The following AKAP13 variants were observed in gnomAD, a reference collection of about 807,000 sequenced individuals.
The protein encoded by AKAP13 is A-kinase anchoring protein 13, also known as A-kinase anchor protein 13.
In AKAP13, 80 loss-of-function variants were observed where a neutral mutation model predicts 264.5. The ratio of observed to expected loss-of-function variants is 0.30; its 90% CI spans 0.25 to 0.36. AKAP13 has a LOEUF of 0.36. Among genes scored for constraint, AKAP13 ranks in the 10% least tolerant of loss-of-function variants. The probability of loss-of-function intolerance (pLI) is 1.00; values close to 1 mark genes in which losing one functional copy is unlikely to be tolerated. For missense variants in AKAP13, 3,712 were observed against 3,435.2 expected (o/e 1.08, Z -2.01); for synonymous variants, 1,380 against 1,250.2 (o/e 1.10, Z -2.19).
At chr15:85,738,119 C>A (rs192764264) in intron 33 of AKAP13, among the ~76,000 whole-genome samples, 2 of 151,934 alleles carry the variant, frequency 1.3e-5, no homozygotes, top group Admixed American at 6.5e-5. Context: ...TAAGAGGGGC[C>A]GGGCTCGGTG....
chr15:85,609,763 G>A (rs1422591640), intron 8 of AKAP13, among the ~76,000 whole-genome samples: 2 of 152,182 alleles, frequency 1.3e-5, no homozygotes, highest in Non-Finnish European at 2.9e-5. Flanking sequence ...CTATTCCTCT[G>A]TCATACCTGG....
At position 85,531,023 on chromosome 15, in the gene AKAP13, C is replaced by T. The variant is rs116766255; in HGVS notation, c.182-2561C>T. On this transcript the variant is annotated intron_variant, in intron 3 of 36. Coordinates refer to ENST00000394518, the MANE Select transcript of AKAP13 (RefSeq NM_007200.5). ...CCTAGTAGCTGGGACTACAGATGCC[C>T]GGCTAATTTTTATTTTTAGTACAGA... is the stretch of plus-strand genomic sequence containing the variant. Among the ~76,000 whole-genome samples, 948 of 152,166 alleles carry T rather than the reference C, an allele frequency of 6.2e-3. 16 individuals carry two copies. Among genetic ancestry groups the T allele is most frequent in the African/African-American group, 0.021 (891 of 41,490 alleles).
chr15:85,686,201 G>GTGTA (rs2084916379), intron 16 of AKAP13, among the ~76,000 whole-genome samples: 1 of 151,858 alleles, frequency 6.6e-6, no homozygotes, highest in South Asian at 2.1e-4. Context: ...ATGTGTGTGT[G>GTGTA]TGTGTGGTAT....
chr15:85,718,030 G>A lies in AKAP13; in HGVS notation c.5872G>A (p.Gly1958Arg). Residue 1958 changes from glycine (G) to arginine (R), a missense_variant, in exon 22 of 37, where the codon GGA becomes AGA. Around this residue, in one of 3 missense-constraint regions of AKAP13, gnomAD observed 2,759 missense variants for 2,411.7 expected, o/e 1.14. Transcript: ENST00000394518. This position sits in a 1 kb window ranked among gnomAD's most constrained non-coding sequence, Gnocchi z 4.9. ...DEGVGTDMNE[G>R]QLLGDFEIES... The stretch of plus-strand genomic sequence containing the variant: ...AGGAGTAGGTACAGACATGAATGAA[G>A]GACAACTACTGGGAGACTTTGAGAT... 1 of 1,614,056 alleles carries A rather than the reference G, an allele frequency of 6.2e-7. No individual in the cohort carries two copies. The highest frequency in any genetic ancestry group is 8.5e-7 in the Non-Finnish European group (1 of 1,179,978).
intron 4 of AKAP13, among the ~76,000 whole-genome samples, chr15:85,539,388 G>C (rs543617029): frequency 4.1e-4 from 59 of 143,558 alleles, no homozygotes; most frequent in African/African-American, 1.6e-3. Context: ...ATGCAGCTGA[G>C]AATTCCTGCA....
chr15:85,569,454 T>TC (rs2078726618), intron 5 of AKAP13, among the ~76,000 whole-genome samples: 2 of 134,252 alleles, frequency 1.5e-5, no homozygotes, highest in African/African-American at 2.5e-5. Flanking sequence ...TTCTTTTCTT[T>TC]TTTTTTTTTT....
rs2088344877 is a variant in AKAP13, at chr15:85,735,140, T to C, written c.7431T>C (p.Asn2477=). The change falls in exon 31 of 37, where the codon AAT becomes AAC. Residue 2477 remains asparagine (N), a synonymous_variant. Coordinates refer to ENST00000394518, the MANE Select transcript of AKAP13 (RefSeq NM_007200.5). ...TFGGFDSHQM[N]ASKGGEKEEG... ...GAGGATTTGACAGCCATCAGATGAATGCTTCAAAAGGTAAATGATGTGAAG... is the reference window on the plus strand; with the variant it reads ...GAGGATTTGACAGCCATCAGATGAACGCTTCAAAAGGTAAATGATGTGAAG... 2 of 1,613,836 alleles carry C rather than the reference T, an allele frequency of 1.2e-6. No homozygotes were observed. Among genetic ancestry groups the C allele is most frequent in the Non-Finnish European group, 1.7e-6 (2 of 1,179,900 alleles).
At chr15:85,396,365 G>A (rs755728296) in intron 1 of AKAP13, among the ~76,000 whole-genome samples, 1 of 152,128 alleles carries the variant, frequency 6.6e-6, no homozygotes. Flanking sequence ...AATGTGGTGC[G>A]TGATGGCTGG....
intron 8 of AKAP13, among the ~76,000 whole-genome samples, chr15:85,587,581 C>CA (rs913327408): frequency 2.0e-5 from 3 of 152,002 alleles, no homozygotes; most frequent in African/African-American, 7.2e-5. Context: ...TATTTGGCTT[C>CA]AAAAATATTT....
At chr15:85,562,264 T>C (rs2078407745) in intron 5 of AKAP13, among the ~76,000 whole-genome samples, 1 of 152,114 alleles carries the variant, frequency 6.6e-6, no homozygotes, top group African/African-American at 2.4e-5. Flanking sequence ...GTAGTATGCA[T>C]ATTAAGAATA....
chr15:85,418,009 T>G (rs759624714), intron 1 of AKAP13, among the ~76,000 whole-genome samples: 1 of 150,976 alleles, frequency 6.6e-6, no homozygotes, highest in Non-Finnish European at 1.5e-5. Flanking sequence ...AATTGAGATA[T>G]TTTACATTTT....
intron 3 of AKAP13, among the ~76,000 whole-genome samples, chr15:85,526,734 C>T (rs1183307914): frequency 3.3e-5 from 5 of 152,174 alleles, no homozygotes; most frequent in Admixed American, 6.5e-5. Flanking sequence ...CCCCTGGCAA[C>T]GCCTGTCAAG....
At position 85,741,160 on chromosome 15, in the gene AKAP13, C is replaced by T. The variant is rs1422391787; in HGVS notation, c.7723C>T (p.Arg2575Cys). The change falls in exon 35 of 37, where the codon CGC becomes TGC. Residue 2575 changes from arginine (R) to cysteine (C), a missense_variant. By Grantham distance (180) the Arg-to-Cys change is radical. This residue lies in a region of AKAP13 where 611 missense variants were observed against 539.3 expected (regional missense o/e 1.13). Transcript: ENST00000394518. ...CTCCCTCATTGAGCAGGAGAAGCAG[C>T]GCAGCCTGGAGAAGCAGCGCCAGGA... ...PSSLIEQEKQ[R>C]SLEKQRQDLA... The T allele has an allele frequency of 2.5e-6, 4 of 1,613,038 alleles. No homozygotes were observed. The highest frequency in any genetic ancestry group is 3.4e-6 in the Non-Finnish European group (4 of 1,179,526).
intron 26 of AKAP13, among the ~76,000 whole-genome samples, chr15:85,725,930 T>TAA (rs1239595650): frequency 6.6e-6 from 1 of 152,220 alleles, no homozygotes; most frequent in Non-Finnish European, 1.5e-5. Flanking sequence ...TCATTAGACT[T>TAA]AGATATTTCT....
At chr15:85,686,453 C>G (rs1366317158) in intron 16 of AKAP13, among the ~76,000 whole-genome samples, 1 of 152,088 alleles carries the variant, frequency 6.6e-6, no homozygotes, top group Non-Finnish European at 1.5e-5. Context: ...AATTTTTCCA[C>G]CAAACGTGCC....
At chr15:85,590,780 C>T (rs2079549336) in intron 8 of AKAP13, among the ~76,000 whole-genome samples, 1 of 152,140 alleles carries the variant, frequency 6.6e-6, no homozygotes, top group Non-Finnish European at 1.5e-5. Flanking sequence ...CACCTGTATG[C>T]TTTACTGGTT....
At chr15:85,427,392 C>G (rs1267640092) in intron 1 of AKAP13, among the ~76,000 whole-genome samples, 1 of 151,984 alleles carries the variant, frequency 6.6e-6, no homozygotes, top group Non-Finnish European at 1.5e-5. Flanking sequence ...CCTTCCTTCT[C>G]CTAGTACATG....
intron 17 of AKAP13, among the ~76,000 whole-genome samples, chr15:85,706,450 A>T (rs1373577459): frequency 1.3e-5 from 2 of 152,156 alleles, no homozygotes; most frequent in Non-Finnish European, 2.9e-5. Flanking sequence ...AACCTGGGGG[A>T]AAATGTGATT....
intron 2 of AKAP13, among the ~76,000 whole-genome samples, chr15:85,507,541 C>T (rs1244909517): frequency 6.6e-6 from 1 of 152,192 alleles, no homozygotes; most frequent in African/African-American, 2.4e-5. Flanking sequence ...TGTTGTATGG[C>T]ATGAAGCTGA....
Sources: gnomAD v4.1 joint callset for allele counts (sites outside exome capture counted in the v4.1 genomes callset) on GRCh38, gnomAD v4.1.1 for gene constraint, gnomAD v4.1.1 regional missense constraint, Gnocchi (gnomAD v3.1) non-coding constraint, MANE v1.5 for transcripts, NCBI Gene and HGNC (gene_info 2026-07-23, HGNC 2026-07-21) for gene names.